Variants in ARL8B observed in about 807,000 individuals in gnomAD.
ARL8B encodes the protein ADP-ribosylation factor-like protein 8B.
ARL8B carries 9 observed loss-of-function variants against 30.6 expected under a neutral mutation model. The ratio of observed to expected loss-of-function variants is 0.29; its 90% CI spans 0.18 to 0.51. The LOEUF (loss-of-function observed/expected upper bound fraction) is 0.51, where lower values mean the gene tolerates loss of function less well. Among genes scored for constraint, ARL8B ranks in the 20% least tolerant of loss-of-function variants. The pLI is 0.97. For missense variants in ARL8B, 130 were observed against 227.2 expected, an observed-to-expected ratio of 0.57 and a Z score of 2.75; for synonymous variants, 74 against 76.0, an observed-to-expected ratio of 0.97 and a Z score of 0.14.
chr3:5,170,463 TA>T, intron 1 of ARL8B, 39 bp from the exon 2 acceptor site: 1 of 1,402,258 alleles, frequency 7.1e-7, no homozygotes, highest in Admixed American at 1.9e-5. Context: ...AGTGTCATTA[TA>T]AGTGAGTAGC....
At chr3:5,155,466 C>T (rs965899349) in intron 1 of ARL8B, among the ~76,000 whole-genome samples, 3 of 152,032 alleles carry the variant, frequency 2.0e-5, no homozygotes, top group African/African-American at 7.2e-5. Context: ...AGTTTTGGGT[C>T]ATTATTTCTT....
At chr3:5,178,184 C>A (rs1352773438) in intron 6 of ARL8B, among the ~76,000 whole-genome samples, 2 of 152,152 alleles carry the variant, frequency 1.3e-5, no homozygotes, top group East Asian at 3.8e-4. Context: ...TTGTATCACT[C>A]ACAATCCATC....
chr3:5,143,150 A>G (rs542113261), intron 1 of ARL8B, among the ~76,000 whole-genome samples: 38 of 152,280 alleles, frequency 2.5e-4, no homozygotes, highest in South Asian at 2.3e-3. Context: ...ATCGAATCTT[A>G]TAGTCTGGGG....
At chr3:5,161,538 AAAG>A (rs1345929568) in intron 1 of ARL8B, among the ~76,000 whole-genome samples, 4 of 152,338 alleles carry the variant, frequency 2.6e-5, no homozygotes, top group African/African-American at 9.6e-5. Context: ...GGAAAGAAGA[AAAG>A]AAGCAAAGCC....
chr3:5,154,752 C>T (rs992700750), intron 1 of ARL8B, among the ~76,000 whole-genome samples: 7 of 152,128 alleles, frequency 4.6e-5, no homozygotes, highest in African/African-American at 7.2e-5. Flanking sequence ...GCTCTGTTGC[C>T]CGGGCTGGAG....
At chr3:5,145,125 C>T (rs2054407305) in intron 1 of ARL8B, among the ~76,000 whole-genome samples, 1 of 152,124 alleles carries the variant, frequency 6.6e-6, no homozygotes, top group Non-Finnish European at 1.5e-5. Context: ...CATCCACAAA[C>T]AGCCTTATCC....
intron 1 of ARL8B, among the ~76,000 whole-genome samples, chr3:5,131,388 T>TA (rs200932490): frequency 2.2e-4 from 28 of 127,252 alleles, no homozygotes; most frequent in African/African-American, 9.7e-4. Flanking sequence ...ATAAAAAAAT[T>TA]AAAAAATTTT....
intron 1 of ARL8B, among the ~76,000 whole-genome samples, chr3:5,151,172 T>C (rs1356024644): frequency 1.3e-5 from 2 of 152,186 alleles, no homozygotes; most frequent in African/African-American, 4.8e-5. Flanking sequence ...TTCAGTATTA[T>C]TTACTGCTCT....
At chr3:5,147,141 T>A (rs1319847514) in intron 1 of ARL8B, among the ~76,000 whole-genome samples, 2 of 152,090 alleles carry the variant, frequency 1.3e-5, no homozygotes, top group Non-Finnish European at 2.9e-5. Flanking sequence ...TCATTTACAT[T>A]AGGATATCTC....
chr3:5,140,893 A>C (rs1687217607), intron 1 of ARL8B, among the ~76,000 whole-genome samples: 1 of 152,190 alleles, frequency 6.6e-6, no homozygotes, highest in African/African-American at 2.4e-5. Context: ...AGCGGAAGCA[A>C]GACTTTTATT....
chr3:5,172,086 A>T, intron 2 of ARL8B, 64 bp from the exon 3 acceptor site: 8 of 1,425,320 alleles, frequency 5.6e-6, no homozygotes, highest in Admixed American at 1.8e-5. Context: ...TTTTTCTGTT[A>T]CTTCCTCTTG....
chr3:5,132,639 G>A (rs1294359106), intron 1 of ARL8B, among the ~76,000 whole-genome samples: 1 of 152,074 alleles, frequency 6.6e-6, no homozygotes, highest in Non-Finnish European at 1.5e-5. Flanking sequence ...TTACAATGCT[G>A]TACCCCATTG....
chr3:5,154,722 T>C (rs1472866260), intron 1 of ARL8B, among the ~76,000 whole-genome samples: 1 of 152,080 alleles, frequency 6.6e-6, no homozygotes, highest in East Asian at 1.9e-4. Flanking sequence ...CTATTCTACA[T>C]TCTGTCTATG....
intron 1 of ARL8B, among the ~76,000 whole-genome samples, chr3:5,163,074 G>A (rs947707649): frequency 6.9e-6 from 1 of 145,752 alleles, no homozygotes; most frequent in African/African-American, 2.6e-5. Context: ...TGCAACCTCC[G>A]CTTCCCTGGT....
At chr3:5,164,366 T>G (rs2054606874) in intron 1 of ARL8B, among the ~76,000 whole-genome samples, 1 of 152,256 alleles carries the variant, frequency 6.6e-6, no homozygotes, top group Non-Finnish European at 1.5e-5. Context: ...TGAGATGCAC[T>G]TGATATAATA....
intron 6 of ARL8B, among the ~76,000 whole-genome samples, chr3:5,177,432 G>A (rs1315845738): frequency 6.6e-6 from 1 of 151,890 alleles, no homozygotes; most frequent in African/African-American, 2.4e-5. Flanking sequence ...TATCCACAGA[G>A]GCTTTGTGTA....
At chr3:5,155,583 TTTC>T (rs1478116514) in intron 1 of ARL8B, among the ~76,000 whole-genome samples, 2 of 152,088 alleles carry the variant, frequency 1.3e-5, no homozygotes, top group Admixed American at 6.6e-5. Context: ...TCTGTTCACT[TTTC>T]TTCATTTTTT....
chr3:5,143,227 A>G (rs1215906173), intron 1 of ARL8B, among the ~76,000 whole-genome samples: 1 of 152,184 alleles, frequency 6.6e-6, no homozygotes, highest in East Asian at 1.9e-4. Flanking sequence ...GCAAGTTTCC[A>G]TTTTGACCTT....
At chr3:5,172,574 A>C in intron 3 of ARL8B, 73 bp from the exon 4 acceptor site, 3 of 1,023,516 alleles carry the variant, frequency 2.9e-6, no homozygotes, top group Non-Finnish European at 4.4e-6. Flanking sequence ...ACAAAAATTA[A>C]AAATCAATAA....
Sources: gnomAD v4.1 joint callset for allele counts (sites outside exome capture counted in the v4.1 genomes callset) on GRCh38, gnomAD v4.1.1 for gene constraint, MANE v1.5 for transcripts, NCBI Gene and HGNC (gene_info 2026-07-23, HGNC 2026-07-21) for gene names.